ALK: variants seen among roughly 807,000 people sequenced by gnomAD.
ALK encodes ALK receptor tyrosine kinase, also known as ALK tyrosine kinase receptor.
In ALK, 74 loss-of-function variants were observed where a neutral mutation model predicts 163.1. That is an observed-to-expected ratio of 0.45 (90% confidence interval 0.38 to 0.55). The LOEUF is 0.55. ALK is among the 20% of genes least tolerant of loss of function. The pLI, the probability that ALK is intolerant of heterozygous loss-of-function variation, is 0.00. For missense variants in ALK, 2,063 were observed against 2,105.3 expected (o/e 0.98, Z 0.39); for synonymous variants, 960 against 843.2 (o/e 1.14, Z -2.40).
At chr2:29,571,816 A>G (rs1674383728) in intron 3 of ALK, among the ~76,000 whole-genome samples, 1 of 151,838 alleles carries the variant, frequency 6.6e-6, no homozygotes, top group Non-Finnish European at 1.5e-5. Context: ...GGGTTTCACC[A>G]TATTGGCCAG....
chr2:29,742,153 C>A (rs564781557), intron 1 of ALK, among the ~76,000 whole-genome samples: 1 of 152,368 alleles, frequency 6.6e-6, no homozygotes, highest in East Asian at 1.9e-4. Context: ...GTGAACAGGG[C>A]AGGGAGGTTC....
chr2:29,234,792 C>T (rs79453934), intron 13 of ALK, among the ~76,000 whole-genome samples: 1 of 152,188 alleles, frequency 6.6e-6, no homozygotes, highest in East Asian at 1.9e-4. Context: ...TGCCATCTTA[C>T]TCCGTGCAAT....
intron 3 of ALK, among the ~76,000 whole-genome samples, chr2:29,628,311 T>G (rs887194120): frequency 2.0e-5 from 3 of 152,184 alleles, no homozygotes; most frequent in African/African-American, 7.2e-5. Flanking sequence ...ATTTACAAAT[T>G]TTCTATATAA....
chr2:29,413,767 A>T (rs1037275952), intron 4 of ALK, among the ~76,000 whole-genome samples: 1 of 152,190 alleles, frequency 6.6e-6, no homozygotes, highest in Non-Finnish European at 1.5e-5. Context: ...TCCTGACCTC[A>T]GGTGACCCAC....
chr2:29,332,535 C>A (rs1031808022), intron 5 of ALK, among the ~76,000 whole-genome samples: 1 of 152,092 alleles, frequency 6.6e-6, no homozygotes, highest in Non-Finnish European at 1.5e-5. Flanking sequence ...AAAGAAAATG[C>A]CCAGAATCCC....
intron 9 of ALK, among the ~76,000 whole-genome samples, chr2:29,289,034 G>A (rs1487358498): frequency 6.6e-6 from 1 of 151,630 alleles, no homozygotes; most frequent in Non-Finnish European, 1.5e-5. Context: ...TGACTCTTCT[G>A]CTTCTTAGTT....
At chr2:29,556,355 A>T (rs1460569849) in intron 3 of ALK, among the ~76,000 whole-genome samples, 1 of 152,232 alleles carries the variant, frequency 6.6e-6, no homozygotes, top group Non-Finnish European at 1.5e-5. Context: ...TAAAATGCTT[A>T]GCACACTGTG....
At chr2:29,560,929 A>C (rs1674005506) in intron 3 of ALK, among the ~76,000 whole-genome samples, 1 of 152,116 alleles carries the variant, frequency 6.6e-6, no homozygotes, top group African/African-American at 2.4e-5. Flanking sequence ...AAAACAAGTA[A>C]ATTTTATAGT....
intron 8 of ALK, among the ~76,000 whole-genome samples, chr2:29,318,079 G>A (rs886114743): frequency 2.0e-5 from 3 of 152,238 alleles, no homozygotes; most frequent in Non-Finnish European, 4.4e-5. Flanking sequence ...ACTGCAAGTA[G>A]TTCAGTGCAG....
intron 11 of ALK, among the ~76,000 whole-genome samples, chr2:29,261,952 G>T (rs1665099032): frequency 6.6e-6 from 1 of 152,100 alleles, no homozygotes; most frequent in African/African-American, 2.4e-5. Context: ...ATTTATATTT[G>T]GTGGATGGTG....
chr2:29,537,218 G>C (rs79106842), intron 3 of ALK, among the ~76,000 whole-genome samples: 2,242 of 152,314 alleles, frequency 0.015, 29 homozygotes, highest in Non-Finnish European at 0.025. Context: ...ATAAAAAAAA[G>C]ATCGCAAGGG....
intron 3 of ALK, among the ~76,000 whole-genome samples, chr2:29,603,958 T>C (rs1267524403): frequency 6.6e-6 from 1 of 152,156 alleles, no homozygotes; most frequent in African/African-American, 2.4e-5. Flanking sequence ...TTTTCCTTCC[T>C]ATGCAATTGG....
In ALK at chr2:29,920,393, G is replaced by T. The variant is rs192127241; in HGVS notation, c.267C>A (p.Gly89=). ...ELKAGRPEAR[G]SLALDCAPLL... ...GCGGGGCGCAGTCCAGAGCTAGCGA[G>T]CCGCGGGCCTCGGGCCTGCCAGCCT... The change falls in exon 1 of 29, where the codon GGC becomes GGA. Residue 89 remains glycine, a synonymous_variant. Coordinates refer to ENST00000389048, the MANE Select transcript of ALK (RefSeq NM_004304.5). The T allele has an allele frequency of 9.7e-4, 1,517 of 1,570,148 alleles. 13 individuals carry two copies. In the African/African-American group the frequency reaches 0.018, roughly 19 times the overall value.
intron 8 of ALK, among the ~76,000 whole-genome samples, chr2:29,306,922 G>A (rs1666524426): frequency 6.6e-6 from 1 of 152,198 alleles, no homozygotes; most frequent in Non-Finnish European, 1.5e-5. Context: ...TCCAGCCAGC[G>A]CTTTCACAAG....
chr2:29,696,828 C>T (rs911000802), intron 2 of ALK, among the ~76,000 whole-genome samples: 1 of 151,874 alleles, frequency 6.6e-6, no homozygotes, highest in South Asian at 2.1e-4. Context: ...TGTAACATTC[C>T]CCAGCTTCCC....
chr2:29,706,175 A>G (rs1328586640), intron 2 of ALK, among the ~76,000 whole-genome samples: 1 of 152,188 alleles, frequency 6.6e-6, no homozygotes, highest in African/African-American at 2.4e-5. Context: ...TTCCATCTCT[A>G]CCATGCTAAG....
In ALK at chr2:29,830,708, T is replaced by A. The variant is rs1241822065; in HGVS notation, c.667+89285A>T. On this transcript the variant is annotated intron_variant, in intron 1 of 28. Transcript: ENST00000389048. ...ACACAGCAAGACCCTGTCTCTAAAA[T>A]AGTTTAAAAAAAAAAAAAAAAAAAA... Among the ~76,000 whole-genome samples, 81 of 39,900 alleles carry A rather than the reference T, an allele frequency of 2.0e-3. 1 individual carries two copies. Among genetic ancestry groups the A allele is most frequent in the African/African-American group, 7.2e-3 (75 of 10,366 alleles). The allele number at this position is 39,900 out of a possible 152,430, so 26.2% of individuals were successfully genotyped here. A position where few individuals can be genotyped will look rare whatever the true frequency, so the allele number is the denominator to read the frequency against.
intron 1 of ALK, among the ~76,000 whole-genome samples, chr2:29,875,303 T>G (rs1290892889): frequency 6.6e-6 from 1 of 152,178 alleles, no homozygotes; most frequent in Non-Finnish European, 1.5e-5. Flanking sequence ...CTATTAAAGA[T>G]GATGAACAAG....
intron 1 of ALK, among the ~76,000 whole-genome samples, chr2:29,765,603 T>C (rs926811084): frequency 6.6e-6 from 1 of 152,148 alleles, no homozygotes; most frequent in East Asian, 1.9e-4. Flanking sequence ...TAAGCCACCA[T>C]GCCTGGCGCT....
Sources: allele counts gnomAD v4.1 joint callset (sites outside exome capture counted in the v4.1 genomes callset), GRCh38; gene constraint gnomAD v4.1.1; transcripts MANE v1.5; gene names NCBI Gene and HGNC (gene_info 2026-07-23, HGNC 2026-07-21).